TJP1: variants seen among roughly 807,000 people sequenced by gnomAD.
TJP1 encodes tight junction protein 1.
TJP1 carries 43 observed loss-of-function variants against 194.2 expected under a neutral mutation model. The observed-to-expected ratio is 0.22, with a 90% CI of 0.17 to 0.29. The LOEUF (loss-of-function observed/expected upper bound fraction) is 0.29. Among genes scored for constraint, TJP1 ranks in the 10% least tolerant of loss-of-function variants. TJP1 has a pLI of 1.00. For synonymous variants in TJP1, 801 were observed against 779.0 expected, an observed-to-expected ratio of 1.03 and a Z score of -0.47; for missense variants, 1,971 against 2,185.7, an observed-to-expected ratio of 0.90 and a Z score of 1.96.
chr15:29,749,727 T>C (rs753696164), intron 8 of TJP1, among the ~76,000 whole-genome samples: 10 of 152,166 alleles, frequency 6.6e-5, no homozygotes, highest in African/African-American at 9.7e-5. Flanking sequence ...GTGAGCACCG[T>C]TGTTCCCTTT....
At chr15:29,785,927 C>A (rs2047672035) in intron 2 of TJP1, among the ~76,000 whole-genome samples, 1 of 152,186 alleles carries the variant, frequency 6.6e-6, no homozygotes, top group Non-Finnish European at 1.5e-5. Flanking sequence ...TTATGGAAGA[C>A]CTCCACAGAT....
At chr15:29,707,207 G>A (rs1158228728) in intron 25 of TJP1, among the ~76,000 whole-genome samples, 1 of 152,126 alleles carries the variant, frequency 6.6e-6, no homozygotes, top group Non-Finnish European at 1.5e-5. Context: ...ATCACAGAAC[G>A]CCAAAGGCAA....
chr15:29,943,165 G>A (rs2055142799), intron 2 of TJP1, among the ~76,000 whole-genome samples: 1 of 152,196 alleles, frequency 6.6e-6, no homozygotes. Flanking sequence ...GTGTAAGAGA[G>A]AGAGCGGGTG....
Position 29,832,449 on chromosome 15 carries a change from T to A in TJP1, c.307-31747A>T, listed in dbSNP as rs563466414. ...CGACGCACAGAATCATGATTGTTTTTTAATATGCTAAATACTGAGGTGGTT... is the reference window on the plus strand; with the variant it reads ...CGACGCACAGAATCATGATTGTTTTATAATATGCTAAATACTGAGGTGGTT... On this transcript the variant is annotated intron_variant, in intron 2 of 28. Transcript: ENST00000356107. Among the ~76,000 whole-genome samples the A allele has an allele frequency of 2.6e-5, 4 of 152,320 alleles. No homozygotes were observed. The East Asian group carries it at 7.7e-4, about 29-fold the overall frequency.
At position 29,710,931 on chromosome 15, in the gene TJP1, G is replaced by A. The variant is rs1323209459; in HGVS notation, c.4272C>T (p.Ala1424=). 1.2e-6 allele frequency: 2 copies of A among 1,614,118 alleles called. No homozygotes were observed. The highest frequency in any genetic ancestry group is 2.2e-5 in the South Asian group (2 of 91,074). The change falls in exon 24 of 28, where the codon GCC becomes GCT. Residue 1424 remains alanine (A), a synonymous_variant. Coordinates refer to ENST00000614355, the MANE Select transcript of TJP1 (RefSeq NM_001330239.4). ...AGGGCAATGGAGGAGGAGGGGGAGT[G>A]GCCTGGATGGGTTCATAGCGTTTCT... ...FGEKRYEPIQ[A]TPPPPPLPSQ...
At position 29,770,312 on chromosome 15, in the gene TJP1, G is replaced by A. The variant is rs541374951; in HGVS notation, c.312+1752C>T. Among the ~76,000 whole-genome samples, 5 of 151,788 alleles carry A rather than the reference G, an allele frequency of 3.3e-5. No homozygotes were observed. In the South Asian group the frequency reaches 1.0e-3, roughly 32 times the overall value. On this transcript the variant is annotated intron_variant, in intron 4 of 27. Transcript: ENST00000614355. ...AAATACAAAATACGGGCTTGGTAGC[G>A]GTCGCCTGTAATCCCAAGGCTGAAG...
rs1357831760 is a variant in TJP1, at chr15:29,786,825, G to A, written c.85-13468C>T. Among the ~76,000 whole-genome samples the A allele has an allele frequency of 3.9e-5, 6 of 152,242 alleles. No individual in the cohort carries two copies. In the East Asian group the frequency reaches 7.7e-4, roughly 20 times the overall value. On this transcript the variant is annotated intron_variant, in intron 2 of 27. Transcript: ENST00000614355. ...CACATTTAAAAACTGTAAATTAAAC[G>A]TGACATATAAATGGAAAGAGCACTG...
In TJP1 at chr15:29,853,262, T is replaced by C. The variant is rs368024543; in HGVS notation, c.307-52560A>G. ...AGCATCTGGGGACCAGTAGAGGGGC[T>C]GGAGGAACATGTGTGTGATTATAAC... On this transcript the variant is annotated intron_variant, in intron 2 of 28. Transcript: ENST00000356107. Among the ~76,000 whole-genome samples, 8 of 152,316 alleles carry C rather than the reference T, an allele frequency of 5.3e-5. No individual in the cohort carries two copies. The South Asian group carries it at 8.3e-4, about 16-fold the overall frequency.
intron 2 of TJP1, among the ~76,000 whole-genome samples, chr15:29,929,853 T>C (rs1445712523): frequency 3.3e-5 from 5 of 151,992 alleles, no homozygotes; most frequent in Admixed American, 3.3e-4. Flanking sequence ...AGCTGCCTTT[T>C]TGAAAAGACT....
At chr15:29,941,507 C>A (rs921469205) in intron 2 of TJP1, among the ~76,000 whole-genome samples, 5 of 152,160 alleles carry the variant, frequency 3.3e-5, no homozygotes, top group Non-Finnish European at 5.9e-5. Flanking sequence ...TCTCTACAGA[C>A]CTCTAGGGTT....
intron 8 of TJP1, among the ~76,000 whole-genome samples, chr15:29,747,503 A>G (rs998042772): frequency 6.6e-6 from 1 of 152,102 alleles, no homozygotes; most frequent in Non-Finnish European, 1.5e-5. Context: ...ATAAATACAA[A>G]ATTATTTTTA....
intron 2 of TJP1, among the ~76,000 whole-genome samples, chr15:29,795,190 G>C (rs1254821678): frequency 2.0e-5 from 3 of 152,104 alleles, no homozygotes; most frequent in African/African-American, 7.2e-5. Flanking sequence ...TTGGGAGGCT[G>C]AGGTGGGAGG....
At chr15:29,949,546 C>CTCCACAACCACCACCTCCACT (rs1567225334) in intron 2 of TJP1, among the ~76,000 whole-genome samples, 3 of 141,056 alleles carry the variant, frequency 2.1e-5, no homozygotes, top group Non-Finnish European at 3.2e-5. Context: ...CCACCACCAC[C>CTCCACAACCACCACCTCCACT]TCCACAACCA....
chr15:29,966,579 T>G (rs1162775253), intron 1 of TJP1, among the ~76,000 whole-genome samples: 1 of 152,094 alleles, frequency 6.6e-6, no homozygotes, highest in Non-Finnish European at 1.5e-5. Flanking sequence ...ACATATTATT[T>G]CCCAATCACA....
intron 2 of TJP1, among the ~76,000 whole-genome samples, chr15:29,881,646 T>C (rs1323135745): frequency 6.6e-6 from 1 of 152,216 alleles, no homozygotes; most frequent in African/African-American, 2.4e-5. Flanking sequence ...ATGTTCATCA[T>C]CTGTTACTTA....
At chr15:29,740,981 C>A in intron 10 of TJP1, 1 of 208,880 alleles carries the variant, frequency 4.8e-6, no homozygotes, top group South Asian at 8.2e-5. Flanking sequence ...CAAAATGCCA[C>A]TAGTGCTGAG....
At chr15:29,847,154 G>A (rs1166371137) in intron 2 of TJP1, among the ~76,000 whole-genome samples, 1 of 151,994 alleles carries the variant, frequency 6.6e-6, no homozygotes, top group Non-Finnish European at 1.5e-5. Context: ...CCAGGCTGGA[G>A]TACAGTGGCA....
chr15:29,949,334 A>ACCT (rs2055446078), intron 2 of TJP1, among the ~76,000 whole-genome samples: 1 of 123,678 alleles, frequency 8.1e-6, no homozygotes, highest in Non-Finnish European at 1.7e-5. Flanking sequence ...CACTACCTCC[A>ACCT]CCACCTCCAC....
chr15:29,924,114 C>A (rs1269951305), intron 2 of TJP1, among the ~76,000 whole-genome samples: 1 of 152,196 alleles, frequency 6.6e-6, no homozygotes. Flanking sequence ...AAATCTGTCA[C>A]CCAAACTGGA....
Sources: allele counts gnomAD v4.1 joint callset (sites outside exome capture counted in the v4.1 genomes callset), GRCh38; gene constraint gnomAD v4.1.1; transcripts MANE v1.5; gene names NCBI Gene and HGNC (gene_info 2026-07-23, HGNC 2026-07-21).